Variants in SLC8A3 observed in about 807,000 individuals in gnomAD.
SLC8A3 encodes the protein sodium/calcium exchanger 3.
A neutral mutation model predicts 65.4 loss-of-function variants in SLC8A3; 37 were observed. That is an observed-to-expected ratio of 0.57 (90% confidence interval 0.44 to 0.74). SLC8A3 has a LOEUF of 0.74. Ranked by LOEUF, SLC8A3 falls within the 30% of genes least tolerant of loss-of-function variation. The probability of loss-of-function intolerance (pLI) is 0.00; values close to 1 mark genes in which losing one functional copy is unlikely to be tolerated. For missense variants in SLC8A3, 1,112 were observed against 1,172.1 expected (o/e 0.95, Z 0.75); for synonymous variants, 461 against 444.5 (o/e 1.04, Z -0.47).
chr14:70,071,263 C>A lies in SLC8A3; in HGVS notation c.1785-10324G>T, dbSNP rs148784470. On this transcript the variant is annotated intron_variant, in intron 2 of 6. Transcript: ENST00000356921. ...GATGTTCTGCCCCAATCCTTGGAAC[C>A]TGTAAATGTGCTGTTATCACTCCTG... Among the ~76,000 whole-genome samples the A allele has an allele frequency of 2.2e-4, 34 of 152,278 alleles. No individual in the cohort carries two copies. In the East Asian group the frequency reaches 4.4e-3, roughly 20 times the overall value.
intron 2 of SLC8A3, among the ~76,000 whole-genome samples, chr14:70,062,698 C>T (rs1465704386): frequency 6.6e-6 from 1 of 152,166 alleles, no homozygotes; most frequent in Non-Finnish European, 1.5e-5. Flanking sequence ...TTGGGTACTT[C>T]TTTTGACATC....
At chr14:70,177,133 T>C (rs1369198303) in intron 1 of SLC8A3, among the ~76,000 whole-genome samples, 1 of 152,260 alleles carries the variant, frequency 6.6e-6, no homozygotes, top group African/African-American at 2.4e-5. Flanking sequence ...TTTTATCTGA[T>C]ATTTCTGTAT....
intron 2 of SLC8A3, 26 bp downstream of exon 2, chr14:70,166,613 G>T (rs1897173766): frequency 3.8e-6 from 5 of 1,312,038 alleles, no homozygotes; most frequent in Non-Finnish European, 4.3e-6. Flanking sequence ...GGTCAGGGAG[G>T]GGCAGAATAC....
At chr14:70,072,666 G>GAA (rs150218905) in intron 2 of SLC8A3, among the ~76,000 whole-genome samples, 1 of 151,232 alleles carries the variant, frequency 6.6e-6, no homozygotes, top group Admixed American at 6.6e-5. Context: ...TTTTGTGAGA[G>GAA]AAAAAAAAGA....
chr14:70,157,724 C>G (rs1896656580), intron 2 of SLC8A3, among the ~76,000 whole-genome samples: 1 of 152,194 alleles, frequency 6.6e-6, no homozygotes, highest in Admixed American at 6.5e-5. Context: ...CTTTCTGATG[C>G]CAGTCCCAAT....
intron 1 of SLC8A3, among the ~76,000 whole-genome samples, chr14:70,184,766 T>C (rs898000640): frequency 2.6e-5 from 4 of 152,216 alleles, no homozygotes; most frequent in African/African-American, 9.6e-5. Flanking sequence ...TTCTATTTTA[T>C]TTGCCTCTGT....
rs115111548 is a variant in SLC8A3, at chr14:70,136,161, C to T, written c.1784+30478G>A. On this transcript the variant is annotated intron_variant, in intron 2 of 6. Transcript: ENST00000356921. ...TGAAGTCAGAGACACACAAAGACAA[C>T]GCCCTGTGACAACCAAGGCAGAGCT... 9.2e-3 allele frequency among the ~76,000 whole-genome samples: 1,406 copies of T among 152,222 alleles called. 22 individuals are homozygous for T. Among genetic ancestry groups the T allele is most frequent in the African/African-American group, 0.032 (1,338 of 41,510 alleles).
chr14:70,139,507 CAGA>C (rs1027849408), intron 2 of SLC8A3, among the ~76,000 whole-genome samples: 1 of 152,188 alleles, frequency 6.6e-6, no homozygotes, highest in African/African-American at 2.4e-5. Context: ...TCTCGCCCAG[CAGA>C]AGGTCTGCTG....
chr14:70,059,061 C>A (rs1366832280), intron 3 of SLC8A3: 1 of 152,210 alleles, frequency 6.6e-6, no homozygotes, highest in Non-Finnish European at 1.5e-5. Flanking sequence ...GAGATAATTT[C>A]TTTCTTCCAG....
chr14:70,137,337 G>A (rs1566804200), intron 2 of SLC8A3, among the ~76,000 whole-genome samples: 1 of 151,958 alleles, frequency 6.6e-6, no homozygotes, highest in Non-Finnish European at 1.5e-5. Flanking sequence ...ATTTTTAGTA[G>A]GGACAGGGTT....
At chr14:70,116,779 C>T (rs1037014149) in intron 2 of SLC8A3, among the ~76,000 whole-genome samples, 1 of 152,196 alleles carries the variant, frequency 6.6e-6, no homozygotes, top group Non-Finnish European at 1.5e-5. Flanking sequence ...CACAGCCGAA[C>T]CTCTGCCTTT....
chr14:70,116,878 C>A (rs1156859391), intron 2 of SLC8A3, among the ~76,000 whole-genome samples: 3 of 152,094 alleles, frequency 2.0e-5, no homozygotes, highest in Non-Finnish European at 2.9e-5. Flanking sequence ...ACAAGCATAC[C>A]AATAGATAAA....
At chr14:70,094,378 T>C (rs1433511778) in intron 2 of SLC8A3, among the ~76,000 whole-genome samples, 1 of 152,210 alleles carries the variant, frequency 6.6e-6, no homozygotes, top group African/African-American at 2.4e-5. Context: ...GAACAGGTGC[T>C]CCATAAATAT....
intron 2 of SLC8A3, among the ~76,000 whole-genome samples, chr14:70,106,055 A>T (rs1892851045): frequency 6.6e-6 from 1 of 152,188 alleles, no homozygotes; most frequent in African/African-American, 2.4e-5. Flanking sequence ...GGTTTAAAAA[A>T]TTATTATGAA....
At chr14:70,093,606 G>A (rs969166091) in intron 2 of SLC8A3, among the ~76,000 whole-genome samples, 6 of 152,144 alleles carry the variant, frequency 3.9e-5, no homozygotes, top group South Asian at 4.1e-4. Context: ...CTGATGGGCC[G>A]GCTTTGATAA....
rs199891724 is a variant in SLC8A3, at chr14:70,167,615, G to A, written c.808C>T (p.His270Tyr). The A allele has an allele frequency of 1.5e-4, 238 of 1,614,134 alleles. No individual in the cohort carries two copies. Among genetic ancestry groups the A allele is most frequent in the Non-Finnish European group, 2.0e-4 (231 of 1,180,016 alleles). Residue 270 changes from histidine to tyrosine, a missense_variant, in exon 2 of 7, where the codon CAC becomes TAC. Coordinates refer to ENST00000356921, the MANE Select transcript of SLC8A3 (RefSeq NM_182932.3). Reference protein sequence around the residue: ...YMHKKYRTDKHRGIIIETEGD... With the variant: ...YMHKKYRTDKYRGIIIETEGD... ...TCTGTCTCTATGATAATTCCTCGGTGTTTGTCTGTGCGGTACTTTTTGTGC... is the reference window on the plus strand; with the variant it reads ...TCTGTCTCTATGATAATTCCTCGGTATTTGTCTGTGCGGTACTTTTTGTGC...
intron 2 of SLC8A3, among the ~76,000 whole-genome samples, chr14:70,088,360 C>T (rs1891581758): frequency 6.6e-6 from 1 of 152,178 alleles, no homozygotes; most frequent in Admixed American, 6.5e-5. Flanking sequence ...GTGGATACTG[C>T]TCTTTCTTTC....
In SLC8A3 at chr14:70,075,143, G is replaced by A. The variant is rs139896328; in HGVS notation, c.1785-14204C>T. On this transcript the variant is annotated intron_variant, in intron 2 of 6. Transcript: ENST00000356921. ...TGTGTATGTGTGTGTGTGTGTGCGC[G>A]CATGTGTGTGCGTGCGTGTGTGCGT... Among the ~76,000 whole-genome samples, 366 of 152,076 alleles carry A rather than the reference G, an allele frequency of 2.4e-3. 3 individuals are homozygous for A. Among genetic ancestry groups the A allele is most frequent in the African/African-American group, 8.4e-3 (348 of 41,476 alleles).
chr14:70,172,787 G>A (rs552905736), intron 1 of SLC8A3, among the ~76,000 whole-genome samples: 4 of 152,310 alleles, frequency 2.6e-5, no homozygotes, highest in East Asian at 1.9e-4. Flanking sequence ...AGGAGGTAGG[G>A]CAGAATGCTA....
Sources: gnomAD v4.1 joint callset for allele counts (sites outside exome capture counted in the v4.1 genomes callset) on GRCh38, gnomAD v4.1.1 for gene constraint, MANE v1.5 for transcripts, NCBI Gene and HGNC (gene_info 2026-07-23, HGNC 2026-07-21) for gene names.